The following CFAP44 variants were observed in gnomAD, a reference collection of about 807,000 sequenced individuals.
CFAP44 encodes cilia and flagella associated protein 44.
In CFAP44, 134 loss-of-function variants were observed where a neutral mutation model predicts 216.2. That is an observed-to-expected ratio of 0.62 (90% confidence interval 0.54 to 0.72). The LOEUF is 0.72. Among genes scored for constraint, CFAP44 ranks in the 30% least tolerant of loss-of-function variants. The pLI is 0.00. For synonymous variants in CFAP44, 700 were observed against 727.6 expected (o/e 0.96, Z 0.61); for missense variants, 2,035 against 2,182.1 (o/e 0.93, Z 1.34).
At chr3:113,429,196 A>G (rs547605005) in intron 2 of CFAP44, 2 of 152,336 alleles carry the variant, frequency 1.3e-5, no homozygotes, top group Admixed American at 6.5e-5. Context: ...TTTGGCTATT[A>G]TGAAGTAACT....
chr3:113,388,969 C>G (rs1016462518), intron 15 of CFAP44, among the ~76,000 whole-genome samples: 2 of 152,148 alleles, frequency 1.3e-5, no homozygotes, highest in Non-Finnish European at 2.9e-5. Flanking sequence ...ACAGATCATC[C>G]AGGCAGAAAA....
chr3:113,301,860 T>G (rs1949938702), intron 32 of CFAP44, among the ~76,000 whole-genome samples: 1 of 152,176 alleles, frequency 6.6e-6, no homozygotes, highest in Admixed American at 6.5e-5. Context: ...ATACAATAGA[T>G]CTCTTGAAAT....
Position 113,341,599 on chromosome 3 carries a change from T to C in CFAP44, c.3437+145A>G, listed in dbSNP as rs1950333907. On this transcript the variant is annotated intron_variant, in intron 24 of 34. Coordinates refer to ENST00000393845, the MANE Select transcript of CFAP44 (RefSeq NM_001164496.2). ...CACCCTAAAAGATCCAGCTGACCTG[T>C]TTATAATATCTCCTTCTTTGTTTTT... The C allele has an allele frequency of 3.0e-6, 3 of 989,702 alleles. No homozygotes were observed. The East Asian group carries it at 9.1e-5, about 30-fold the overall frequency. 61.3% of individuals were successfully genotyped at this position (989,702 alleles called of 1,614,324 possible).
At chr3:113,326,001 C>T (rs547813007) in intron 28 of CFAP44, among the ~76,000 whole-genome samples, 7 of 152,202 alleles carry the variant, frequency 4.6e-5, no homozygotes, top group South Asian at 2.1e-4. Context: ...AGGCAAGCTA[C>T]GCACTAGGAA....
chr3:113,429,998 C>T (rs1260051627), intron 2 of CFAP44, among the ~76,000 whole-genome samples: 4 of 152,066 alleles, frequency 2.6e-5, no homozygotes, highest in Admixed American at 6.6e-5. Context: ...TTATAAAACA[C>T]TTACACCTAT....
At chr3:113,419,404 G>A (rs543428155) in intron 5 of CFAP44, among the ~76,000 whole-genome samples, 1 of 152,026 alleles carries the variant, frequency 6.6e-6, no homozygotes, top group Admixed American at 6.6e-5. Context: ...TATATGTTCT[G>A]TGTAGTGTTG....
At chr3:113,396,188 A>G (rs1933985409) in intron 14 of CFAP44, among the ~76,000 whole-genome samples, 1 of 152,248 alleles carries the variant, frequency 6.6e-6, no homozygotes, top group African/African-American at 2.4e-5. Context: ...AATTCTATAT[A>G]AGAACATAAC....
chr3:113,373,718 G>T (rs1020629521), intron 17 of CFAP44, among the ~76,000 whole-genome samples, 162 bp from the exon 18 acceptor site: 36 of 152,052 alleles, frequency 2.4e-4, no homozygotes, highest in Middle Eastern at 6.8e-3. Context: ...TTTCTATAAA[G>T]CATCTCCTTT....
intron 4 of CFAP44, among the ~76,000 whole-genome samples, chr3:113,422,792 C>G (rs1277424978): frequency 6.6e-6 from 1 of 152,152 alleles, no homozygotes; most frequent in African/African-American, 2.4e-5. Context: ...CATCTCTTCA[C>G]TACTTTAGAT....
intron 24 of CFAP44, among the ~76,000 whole-genome samples, chr3:113,340,136 T>A (rs7629976): frequency 6.6e-6 from 1 of 152,156 alleles, no homozygotes; most frequent in Non-Finnish European, 1.5e-5. Context: ...AGGTGCCCAA[T>A]CTGGGAGGAA....
intron 22 of CFAP44, among the ~76,000 whole-genome samples, chr3:113,347,221 G>C (rs1467609482): frequency 6.6e-6 from 1 of 152,210 alleles, no homozygotes; most frequent in African/African-American, 2.4e-5. Flanking sequence ...CCCCGACTCT[G>C]GAGTTGGGAG....
At chr3:113,376,958 A>G (rs76987290) in intron 17 of CFAP44, among the ~76,000 whole-genome samples, 7,307 of 152,298 alleles carry the variant, frequency 0.048, 230 homozygotes, top group Non-Finnish European at 0.076. Flanking sequence ...TCAAGGAGCC[A>G]TTGGGAACAG....
intron 22 of CFAP44, among the ~76,000 whole-genome samples, chr3:113,348,060 A>G (rs1576561177): frequency 1.3e-5 from 2 of 152,160 alleles, no homozygotes; most frequent in Non-Finnish European, 1.5e-5. Context: ...TTGCTGCTGC[A>G]TTGGTGAGCA....
At chr3:113,395,526 C>T (rs934363457) in intron 15 of CFAP44, among the ~76,000 whole-genome samples, 1 of 152,060 alleles carries the variant, frequency 6.6e-6, no homozygotes, top group African/African-American at 2.4e-5. Flanking sequence ...CTAATAAGCC[C>T]ACGGAAGAGA....
chr3:113,315,376 G>A (rs371703878), intron 28 of CFAP44, among the ~76,000 whole-genome samples: 31 of 152,152 alleles, frequency 2.0e-4, no homozygotes, highest in South Asian at 6.2e-4. Flanking sequence ...TTACCAAGAC[G>A]ACATGACACT....
Position 113,290,433 on chromosome 3 carries a change from T to TC in CFAP44, c.*1123dup, listed in dbSNP as rs1052736657. On this transcript the variant is annotated 3_prime_UTR_variant, in exon 35 of 35. Coordinates refer to ENST00000393845, the MANE Select transcript of CFAP44 (RefSeq NM_001164496.2). ...TGAGGAAGACTTGGCATTGCTGAGT[T>TC]CCCTTCTACATTTATGCAATGTTCC... 2.4e-4 allele frequency: 37 copies of TC among 152,204 alleles called. No individual in the cohort carries two copies. Among genetic ancestry groups the TC allele is most frequent in the African/African-American group, 6.8e-4 (28 of 41,460 alleles). 9.4% of individuals were successfully genotyped at this position (152,204 alleles called of 1,614,324 possible).
In CFAP44 at chr3:113,358,852, G is replaced by T; in HGVS notation, c.2958C>A (p.Ile986=). The change falls in exon 22 of 35, where the codon ATC becomes ATA. Residue 986 remains isoleucine (I), a synonymous_variant. Coordinates refer to ENST00000393845, the MANE Select transcript of CFAP44 (RefSeq NM_001164496.2). Reference sequence around the variant, plus strand: ...CTGTTTTTCTGTGCATCTCAGCACGGATTTGGGAATCTACATCAAAATCCT... The same window carrying T: ...CTGTTTTTCTGTGCATCTCAGCACGTATTTGGGAATCTACATCAAAATCCT... ...KRTDFDVDSQ[I]RAEMHRKTAF... 3 of 1,536,558 alleles carry T rather than the reference G, an allele frequency of 2.0e-6. No individual in the cohort carries two copies. Among genetic ancestry groups the T allele is most frequent in the Non-Finnish European group, 2.6e-6 (3 of 1,146,450 alleles).
intron 22 of CFAP44, among the ~76,000 whole-genome samples, chr3:113,352,873 A>C (rs994117792): frequency 6.6e-6 from 1 of 152,170 alleles, no homozygotes; most frequent in African/African-American, 2.4e-5. Context: ...GGTAATACCC[A>C]GTGTTATTTG....
intron 6 of CFAP44, among the ~76,000 whole-genome samples, chr3:113,414,999 T>TTG (rs1270111585): frequency 6.6e-6 from 1 of 152,052 alleles, no homozygotes; most frequent in Admixed American, 6.5e-5. Context: ...CCTGGAGTTT[T>TTG]TTTTGGTTGG....
Sources: allele counts gnomAD v4.1 joint callset (sites outside exome capture counted in the v4.1 genomes callset), GRCh38; gene constraint gnomAD v4.1.1; transcripts MANE v1.5; gene names NCBI Gene and HGNC (gene_info 2026-07-23, HGNC 2026-07-21).